Variants in FSTL5 observed in about 807,000 individuals in gnomAD.
FSTL5 encodes follistatin like 5.
Under a neutral mutation model 89.1 loss-of-function variants are expected in FSTL5, and 62 were observed. The ratio of observed to expected loss-of-function variants is 0.70; its 90% CI spans 0.57 to 0.86. The LOEUF is 0.86. FSTL5 is among the 40% of genes least tolerant of loss of function. The probability of loss-of-function intolerance (pLI) is 0.00; values close to 1 mark genes in which losing one functional copy is unlikely to be tolerated. For synonymous variants in FSTL5, 383 were observed against 346.2 expected (o/e 1.11, Z -1.18); for missense variants, 1,057 against 1,001.6 (o/e 1.06, Z -0.75).
intron 4 of FSTL5, among the ~76,000 whole-genome samples, chr4:161,779,673 C>G (rs6815645): frequency 0.73 from 107,924 of 147,036 alleles, 39,737 homozygotes; most frequent in Non-Finnish European, 0.76. Context: ...TTTCAGAACT[C>G]AGTTTTTCTT....
At chr4:161,829,595 C>T (rs1304106066) in intron 4 of FSTL5, among the ~76,000 whole-genome samples, 1 of 151,862 alleles carries the variant, frequency 6.6e-6, no homozygotes, top group African/African-American at 2.4e-5. Context: ...TTGCTTTGAG[C>T]CATCAAATAG....
intron 2 of FSTL5, among the ~76,000 whole-genome samples, chr4:162,076,372 T>C (rs1197901886): frequency 6.6e-6 from 1 of 151,940 alleles, no homozygotes; most frequent in Non-Finnish European, 1.5e-5. Flanking sequence ...TTGTGGAAGA[T>C]AAAGATACTA....
chr4:161,431,533 C>A (rs190137678), intron 15 of FSTL5, among the ~76,000 whole-genome samples: 2 of 149,310 alleles, frequency 1.3e-5, no homozygotes, highest in East Asian at 3.9e-4. Context: ...TAAAAGAAGA[C>A]AGAAAGGGAG....
At chr4:161,842,049 T>C (rs894674451) in intron 4 of FSTL5, among the ~76,000 whole-genome samples, 4 of 152,136 alleles carry the variant, frequency 2.6e-5, no homozygotes, top group African/African-American at 9.7e-5. Flanking sequence ...TCAATATAAA[T>C]AGCTGCAAAT....
chr4:161,843,150 T>C (rs1731264135), intron 4 of FSTL5, among the ~76,000 whole-genome samples: 1 of 152,172 alleles, frequency 6.6e-6, no homozygotes, highest in South Asian at 2.1e-4. Flanking sequence ...TAAATTGTTA[T>C]GCTACTTATT....
chr4:161,702,372 T>C (rs2126730875), intron 6 of FSTL5, among the ~76,000 whole-genome samples: 1 of 152,342 alleles, frequency 6.6e-6, no homozygotes, highest in Admixed American at 6.5e-5. Context: ...ATATGTCTTA[T>C]AACTCTAATT....
chr4:161,908,838 G>A (rs1156737574), intron 4 of FSTL5, among the ~76,000 whole-genome samples: 2 of 152,178 alleles, frequency 1.3e-5, no homozygotes, highest in South Asian at 2.1e-4. Flanking sequence ...TAGTAATAAA[G>A]TGATATAGTA....
At chr4:161,489,456 T>C (rs1560920396) in intron 12 of FSTL5, among the ~76,000 whole-genome samples, 1 of 152,108 alleles carries the variant, frequency 6.6e-6, no homozygotes, top group South Asian at 2.1e-4. Flanking sequence ...ATTAAAGAAA[T>C]AGGACAACTA....
chr4:161,720,154 G>C (rs1021458490), intron 6 of FSTL5, among the ~76,000 whole-genome samples: 2 of 142,720 alleles, frequency 1.4e-5, no homozygotes, highest in Non-Finnish European at 3.1e-5. Flanking sequence ...ACCCATAGTT[G>C]ATAAAATGTT....
intron 12 of FSTL5, among the ~76,000 whole-genome samples, chr4:161,499,000 A>G (rs1730195805): frequency 6.6e-6 from 1 of 152,050 alleles, no homozygotes; most frequent in Admixed American, 6.6e-5. Context: ...GGAGTTCGAG[A>G]TCAGCCTGGC....
intron 4 of FSTL5, among the ~76,000 whole-genome samples, chr4:161,837,090 G>A (rs1039955654): frequency 3.3e-5 from 5 of 152,052 alleles, no homozygotes; most frequent in Admixed American, 2.6e-4. Flanking sequence ...TGCAGTGATA[G>A]GTGAAGCCAT....
At chr4:162,145,272 A>ATT (rs778094964) in intron 1 of FSTL5, among the ~76,000 whole-genome samples, 2 of 152,108 alleles carry the variant, frequency 1.3e-5, no homozygotes, top group Admixed American at 6.6e-5. Flanking sequence ...GCTTTAGGAA[A>ATT]TAAGAATCAA....
intron 7 of FSTL5, among the ~76,000 whole-genome samples, chr4:161,626,611 C>T (rs1042979655): frequency 1.3e-5 from 2 of 152,260 alleles, no homozygotes; most frequent in East Asian, 3.9e-4. Flanking sequence ...ATTCATTCTG[C>T]AACACATGGA....
intron 13 of FSTL5, among the ~76,000 whole-genome samples, chr4:161,466,572 G>A (rs1272790171): frequency 6.6e-6 from 1 of 152,116 alleles, no homozygotes; most frequent in East Asian, 1.9e-4. Flanking sequence ...CTCCCGGGGT[G>A]TTACAATAAG....
chr4:161,677,333 A>C (rs2126704780), intron 6 of FSTL5, among the ~76,000 whole-genome samples: 1 of 152,180 alleles, frequency 6.6e-6, no homozygotes, highest in Admixed American at 6.6e-5. Context: ...GAAAGAAGTT[A>C]GAAGAGTAAA....
intron 2 of FSTL5, among the ~76,000 whole-genome samples, chr4:162,083,964 A>C (rs1194717444): frequency 6.6e-6 from 1 of 151,982 alleles, no homozygotes; most frequent in Non-Finnish European, 1.5e-5. Context: ...GCAATGCAAC[A>C]ATAAATCATT....
intron 15 of FSTL5, among the ~76,000 whole-genome samples, chr4:161,439,412 G>A (rs755922790): frequency 1.4e-4 from 21 of 152,148 alleles, no homozygotes; most frequent in Non-Finnish European, 1.8e-4. Context: ...ACCAGACTAC[G>A]GTTTGTTTCT....
intron 8 of FSTL5, among the ~76,000 whole-genome samples, chr4:161,559,768 G>A (rs867458622): frequency 2.6e-5 from 4 of 151,852 alleles, no homozygotes; most frequent in African/African-American, 4.8e-5. Flanking sequence ...AAGGTGCTAC[G>A]TTCTGAGAAA....
chr4:161,493,685 A>T (rs2126473871), intron 12 of FSTL5, among the ~76,000 whole-genome samples: 1 of 152,254 alleles, frequency 6.6e-6, no homozygotes, highest in South Asian at 2.1e-4. Context: ...TCTGTTGAAA[A>T]ATCTAAATAA....
Sources: allele counts gnomAD v4.1 joint callset (sites outside exome capture counted in the v4.1 genomes callset), GRCh38; gene constraint gnomAD v4.1.1; transcripts MANE v1.5; gene names NCBI Gene and HGNC (gene_info 2026-07-23, HGNC 2026-07-21).